Variants in MPV17L observed in about 807,000 individuals in gnomAD.
MPV17L encodes the protein mpv17-like protein.
Under a neutral mutation model 25.8 loss-of-function variants are expected in MPV17L, and 24 were observed. The observed-to-expected ratio is 0.93, with a 90% confidence interval of 0.67 to 1.31. The LOEUF (loss-of-function observed/expected upper bound fraction) is 1.31, where lower values mean the gene tolerates loss of function less well. Ranked by LOEUF, MPV17L falls within the 50% of genes most tolerant of loss-of-function variation. MPV17L has a pLI of 0.00. For synonymous variants in MPV17L, 102 were observed against 115.3 expected, an observed-to-expected ratio of 0.88 and a Z score of 0.74; for missense variants, 250 against 265.6, an observed-to-expected ratio of 0.94 and a Z score of 0.41.
intron 1 of MPV17L, among the ~76,000 whole-genome samples, chr16:15,399,089 G>T (rs963834718): frequency 2.9e-5 from 4 of 136,956 alleles, no homozygotes; most frequent in Non-Finnish European, 5.2e-5. Flanking sequence ...AGACACCTGG[G>T]TTGAACTCTG....
At chr16:15,399,187 A>G (rs2050613157) in intron 1 of MPV17L, among the ~76,000 whole-genome samples, 1 of 152,022 alleles carries the variant, frequency 6.6e-6, no homozygotes, top group African/African-American at 2.4e-5. Flanking sequence ...GAAATGAGGC[A>G]CGTAAACTAC....
intron 2 of MPV17L, among the ~76,000 whole-genome samples, chr16:15,403,229 C>T (rs967438354): frequency 3.3e-5 from 5 of 151,670 alleles, no homozygotes; most frequent in African/African-American, 1.2e-4. Flanking sequence ...ATTAGCAGGG[C>T]ATGGTGGCAC....
chr16:15,402,733 A>C (rs1296198576), intron 2 of MPV17L, among the ~76,000 whole-genome samples: 1 of 152,118 alleles, frequency 6.6e-6, no homozygotes, highest in Admixed American at 6.6e-5. Context: ...CCTAGGCTGG[A>C]GTGCAGTGGC....
At chr16:15,400,926 A>G (rs2050629238) in intron 2 of MPV17L, 69 bp downstream of exon 2, 7 of 1,013,014 alleles carry the variant, frequency 6.9e-6, no homozygotes, top group Non-Finnish European at 9.3e-6. Context: ...GTGTATAAAA[A>G]TATATGTTTT....
At chr16:15,399,546 C>T in intron 1 of MPV17L, 1 of 373,748 alleles carries the variant, frequency 2.7e-6, no homozygotes, top group South Asian at 2.0e-5. Context: ...GCTGGGACTA[C>T]AGGCACGCAC....
chr16:15,395,897 C>T lies in MPV17L; in HGVS notation c.-1C>T. Reference sequence around the variant, plus strand: ...TGATCGCGGGCGCCCACAGCGCGGACATGGCGGGCTGGTGGCCGGCGTTGT... The same window carrying T: ...TGATCGCGGGCGCCCACAGCGCGGATATGGCGGGCTGGTGGCCGGCGTTGT... On this transcript the variant is annotated 5_prime_UTR_variant, in exon 1 of 4. Transcript: ENST00000396385. The T allele has an allele frequency of 7.1e-7, 1 of 1,401,408 alleles. No homozygotes were observed. The highest frequency in any genetic ancestry group is 9.2e-7 in the Non-Finnish European group (1 of 1,090,516). The allele number at this position is 1,401,408 out of a possible 1,614,324, so 86.8% of individuals were successfully genotyped here.
At chr16:15,404,699 G>A (rs1229104978) in intron 2 of MPV17L, among the ~76,000 whole-genome samples, 2 of 152,146 alleles carry the variant, frequency 1.3e-5, no homozygotes, top group Non-Finnish European at 2.9e-5. Context: ...GTGAGTGCCT[G>A]TAATCCCAGC....
At position 15,412,478 on chromosome 16, in the gene MPV17L, G is replaced by A. The variant is rs569887419; in HGVS notation, c.*4366G>A. The A allele has an allele frequency of 6.6e-6, 1 of 151,234 alleles. No individual in the cohort carries two copies. The highest frequency in any genetic ancestry group is 6.6e-5 in the Admixed American group (1 of 15,116). 9.4% of individuals were successfully genotyped at this position (151,234 alleles called of 1,614,324 possible). A position where few individuals can be genotyped will look rare whatever the true frequency, so the allele number is the denominator to read the frequency against. The stretch of plus-strand genomic sequence containing the variant: ...AAGTAAATTAACTTTGGTATTTCAG[G>A]TTGTATTTATATGGGGACTTCACAT... On this transcript the variant is annotated 3_prime_UTR_variant, in exon 4 of 4. Transcript: ENST00000396385.
chr16:15,406,244 A>G (rs1359831680), intron 2 of MPV17L, among the ~76,000 whole-genome samples: 1 of 151,908 alleles, frequency 6.6e-6, no homozygotes, highest in Non-Finnish European at 1.5e-5. Flanking sequence ...ATATACGTAT[A>G]TATGTATATG....
At chr16:15,396,820 T>C (rs1266748530) in intron 1 of MPV17L, among the ~76,000 whole-genome samples, 2 of 152,072 alleles carry the variant, frequency 1.3e-5, no homozygotes, top group Non-Finnish European at 2.9e-5. Flanking sequence ...GTAACAAGAT[T>C]TTCCCCTGGG....
intron 2 of MPV17L, among the ~76,000 whole-genome samples, chr16:15,402,648 G>C (rs1409697406): frequency 6.6e-6 from 1 of 152,102 alleles, no homozygotes; most frequent in East Asian, 1.9e-4. Context: ...TTTTCTTCTG[G>C]TTTTGTTTTT....
At position 15,396,217 on chromosome 16, in the gene MPV17L, C is replaced by T; in HGVS notation, c.310+10C>T. The T allele has an allele frequency of 3.2e-6, 5 of 1,538,972 alleles. No homozygotes were observed. The highest frequency in any genetic ancestry group is 3.9e-5 in the Admixed American group (2 of 50,672). ...TCGGCCTTCTATGTCGGTGAGGGGC[C>T]GGGAGGGGACCTGGGGGGTGGGACC... On this transcript the variant is annotated intron_variant, in intron 1 of 3. Transcript: ENST00000396385.
In MPV17L at chr16:15,408,156, A is replaced by T. The variant is rs2050699411; in HGVS notation, c.*44A>T. ...AAAGGGACCACATTTTTTACCTAAA[A>T]TGCACAGAATTGCCTGCAGACAAAA... On this transcript the variant is annotated 3_prime_UTR_variant, in exon 4 of 4. Coordinates refer to ENST00000396385, the MANE Select transcript of MPV17L (RefSeq NM_001128423.2). 6.8e-7 allele frequency: 1 copy of T among 1,466,808 alleles called. No homozygotes were observed. Among genetic ancestry groups the T allele is most frequent in the Non-Finnish European group, 9.3e-7 (1 of 1,077,722 alleles). 90.9% of individuals were successfully genotyped at this position (1,466,808 alleles called of 1,614,324 possible).
chr16:15,396,108 G>T lies in MPV17L; in HGVS notation c.211G>T (p.Glu71Ter). ...NFNYVWLRLL[E>*]RALPGRAPHA... Reference sequence around the variant, plus strand: ...CAACTACGTGTGGCTGCGCCTGCTGGAGCGCGCGCTCCCGGGCCGAGCGCC... The same window carrying T: ...CAACTACGTGTGGCTGCGCCTGCTGTAGCGCGCGCTCCCGGGCCGAGCGCC... The change falls in exon 1 of 4, where the codon GAG becomes TAG. Residue 71 changes from glutamate (E) to a stop codon, truncating the protein, a stop_gained. Coordinates refer to ENST00000396385, the MANE Select transcript of MPV17L (RefSeq NM_001128423.2). LOFTEE classifies it high-confidence loss of function. 3 of 1,545,612 alleles carry T rather than the reference G, an allele frequency of 1.9e-6. No homozygotes were observed. In the South Asian group the frequency reaches 3.6e-5, roughly 18 times the overall value.
rs1477773389 is a variant in MPV17L, at chr16:15,409,606, A to G, written c.*1494A>G. ...CCCCAAACCTGTAAGAACTAATGATAATCCACCACCCTTTGCTGACTCCTT... is the reference window on the plus strand; with the variant it reads ...CCCCAAACCTGTAAGAACTAATGATGATCCACCACCCTTTGCTGACTCCTT... On this transcript the variant is annotated 3_prime_UTR_variant, in exon 4 of 4. Coordinates refer to ENST00000396385, the MANE Select transcript of MPV17L (RefSeq NM_001128423.2). The G allele has an allele frequency of 6.6e-6, 1 of 152,044 alleles. No homozygotes were observed. The highest frequency in any genetic ancestry group is 1.5e-5 in the Non-Finnish European group (1 of 68,032). 9.4% of individuals were successfully genotyped at this position (152,044 alleles called of 1,614,324 possible). A position where few individuals can be genotyped will look rare whatever the true frequency, so the allele number is the denominator to read the frequency against.
intron 2 of MPV17L, among the ~76,000 whole-genome samples, chr16:15,403,372 A>AC: frequency 6.7e-6 from 1 of 150,012 alleles, no homozygotes; most frequent in Non-Finnish European, 1.5e-5. Flanking sequence ...CCGTCTCAAA[A>AC]AAAAAAAAAA....
At position 15,409,761 on chromosome 16, in the gene MPV17L, C is replaced by G. The variant is rs1462899225; in HGVS notation, c.*1649C>G. On this transcript the variant is annotated 3_prime_UTR_variant, in exon 4 of 4. Coordinates refer to ENST00000396385, the MANE Select transcript of MPV17L (RefSeq NM_001128423.2). ...CTCCTGGCCTCAACTGATCCACTCTCATTGGCCTCCCAAGGTGCTGGGATT... is the reference window on the plus strand; with the variant it reads ...CTCCTGGCCTCAACTGATCCACTCTGATTGGCCTCCCAAGGTGCTGGGATT... 6.6e-6 allele frequency: 1 copy of G among 152,262 alleles called. No individual in the cohort carries two copies. The highest frequency in any genetic ancestry group is 1.5e-5 in the Non-Finnish European group (1 of 68,060). The allele number at this position is 152,262 out of a possible 1,614,324, so 9.4% of individuals were successfully genotyped here.
rs148942772 is a variant in MPV17L at position 15,407,844 on chromosome 16, C to T, written c.402C>T (p.Pro134=). The T allele has an allele frequency of 1.2e-4, 199 of 1,613,406 alleles. No individual in the cohort carries two copies. The African/African-American group carries it at 2.5e-3, about 20-fold the overall frequency. The part of the protein sequence containing the change: ...NTYLSGLMYW[P]FVQLTNFSLV... ...TCCAGAGTGGACTGATGTACTGGCCCTTTGTACAGGTAAGTTCCACCTACT... is the reference window on the plus strand; with the variant it reads ...TCCAGAGTGGACTGATGTACTGGCCTTTTGTACAGGTAAGTTCCACCTACT... Residue 134 remains proline (P), a synonymous_variant, in exon 3 of 4, where the codon CCC becomes CCT. Coordinates refer to ENST00000396385, the MANE Select transcript of MPV17L (RefSeq NM_001128423.2).
chr16:15,401,058 G>GTATGTATATATA (rs1555502667), intron 2 of MPV17L, among the ~76,000 whole-genome samples: 1 of 44,256 alleles, frequency 2.3e-5, no homozygotes, highest in Admixed American at 5.1e-4. Flanking sequence ...ATGTGTGTGT[G>GTATGTATATATA]TATATATATA....
Sources: allele counts gnomAD v4.1 joint callset (sites outside exome capture counted in the v4.1 genomes callset), GRCh38; gene constraint gnomAD v4.1.1; transcripts MANE v1.5; gene names NCBI Gene and HGNC (gene_info 2026-07-23, HGNC 2026-07-21).